STK32B: variants seen among roughly 807,000 people sequenced by gnomAD.
STK32B encodes the protein serine/threonine kinase 32B.
STK32B carries 43 observed loss-of-function variants against 52.6 expected under a neutral mutation model. The observed-to-expected ratio is 0.82, with a 90% confidence interval of 0.64 to 1.05. The LOEUF (loss-of-function observed/expected upper bound fraction) is 1.05, where lower values mean the gene tolerates loss of function less well. STK32B is among the 50% of genes least tolerant of loss of function. STK32B has a pLI of 0.00. For synonymous variants in STK32B, 238 were observed against 204.3 expected (o/e 1.17, Z -1.41); for missense variants, 621 against 534.6 (o/e 1.16, Z -1.59).
chr4:5,147,269 A>G (rs1033393574), intron 2 of STK32B, among the ~76,000 whole-genome samples: 4 of 152,088 alleles, frequency 2.6e-5, no homozygotes, highest in African/African-American at 9.7e-5. Flanking sequence ...ATACAATAAA[A>G]TTTTTGTATC....
intron 3 of STK32B, among the ~76,000 whole-genome samples, chr4:5,218,632 C>T (rs2108793855): frequency 1.3e-5 from 2 of 152,326 alleles, no homozygotes; most frequent in East Asian, 3.9e-4. Flanking sequence ...ATTCCTTTTA[C>T]AATTTCATAG....
intron 11 of STK32B, among the ~76,000 whole-genome samples, chr4:5,482,493 G>A (rs935108095): frequency 2.0e-5 from 3 of 151,992 alleles, no homozygotes; most frequent in Non-Finnish European, 2.9e-5. Context: ...GGGCTGAGAT[G>A]ATGAGGTTTT....
At chr4:5,189,176 A>G (rs1720987673) in intron 3 of STK32B, among the ~76,000 whole-genome samples, 1 of 152,158 alleles carries the variant, frequency 6.6e-6, no homozygotes, top group Non-Finnish European at 1.5e-5. Context: ...CCCAGGATCC[A>G]TGGTATACAT....
chr4:5,413,720 A>G (rs2109066732), intron 5 of STK32B, among the ~76,000 whole-genome samples: 1 of 152,366 alleles, frequency 6.6e-6, no homozygotes, highest in East Asian at 1.9e-4. Context: ...ATGTATCTTG[A>G]AGACAAGGAG....
chr4:5,124,417 C>T lies in STK32B; in HGVS notation c.53-15488C>T, dbSNP rs1298833361. ...CCAGCCCATTGCCTCCTGAGAGTCC[C>T]TCTCTTCTCCCACATCTCATGCAGT... is the stretch of plus-strand genomic sequence containing the variant. On this transcript the variant is annotated intron_variant, in intron 1 of 11. Transcript: ENST00000282908. Among the ~76,000 whole-genome samples, 3 of 152,294 alleles carry T rather than the reference C, an allele frequency of 2.0e-5. No homozygotes were observed. The South Asian group carries it at 6.2e-4, about 32-fold the overall frequency.
intron 1 of STK32B, among the ~76,000 whole-genome samples, chr4:5,094,034 C>T (rs1212248808): frequency 6.6e-6 from 1 of 152,158 alleles, no homozygotes; most frequent in Non-Finnish European, 1.5e-5. Flanking sequence ...AATGTGAAGC[C>T]ATTGCTATAG....
chr4:5,281,020 G>T (rs1016156701), intron 3 of STK32B, among the ~76,000 whole-genome samples: 2 of 152,128 alleles, frequency 1.3e-5, no homozygotes, highest in Non-Finnish European at 2.9e-5. Flanking sequence ...AGGCGTGGCT[G>T]GGGATGCCTC....
At chr4:5,244,860 GT>G (rs1352218331) in intron 3 of STK32B, among the ~76,000 whole-genome samples, 1 of 152,190 alleles carries the variant, frequency 6.6e-6, no homozygotes, top group African/African-American at 2.4e-5. Flanking sequence ...GGAGCAGGTT[GT>G]TAAGTTTCCA....
chr4:5,384,800 CAGAA>C (rs1178206157), intron 4 of STK32B, among the ~76,000 whole-genome samples: 8 of 152,028 alleles, frequency 5.3e-5, no homozygotes, highest in African/African-American at 7.2e-5. Flanking sequence ...TTGCAGGAAA[CAGAA>C]GGAAGGGGCT....
intron 1 of STK32B, among the ~76,000 whole-genome samples, chr4:5,060,909 T>C (rs1363412540): frequency 6.6e-6 from 1 of 152,226 alleles, no homozygotes; most frequent in Non-Finnish European, 1.5e-5. Context: ...TAAGCTTGTA[T>C]GTTTTTCTTG....
At chr4:5,036,433 G>A in the STK32B span, among the ~76,000 whole-genome samples, 12 of 152,118 alleles carry the variant, frequency 7.9e-5, no homozygotes, top group African/African-American at 2.7e-4. Context: ...TCTCTCTGAA[G>A]TCAGAAAATA....
At chr4:5,105,531 C>T (rs564049009) in intron 1 of STK32B, among the ~76,000 whole-genome samples, 3 of 151,324 alleles carry the variant, frequency 2.0e-5, no homozygotes, top group African/African-American at 4.9e-5. Flanking sequence ...AATATCTGCT[C>T]CTATTCTATA....
At chr4:5,406,768 C>T (rs1737710814) in intron 5 of STK32B, among the ~76,000 whole-genome samples, 1 of 152,128 alleles carries the variant, frequency 6.6e-6, no homozygotes, top group Admixed American at 6.5e-5. Context: ...GAGCCCTGGA[C>T]CTGGCAGCAG....
At chr4:5,491,934 G>C (rs563877503) in intron 11 of STK32B, among the ~76,000 whole-genome samples, 6 of 152,112 alleles carry the variant, frequency 3.9e-5, no homozygotes, top group Non-Finnish European at 7.3e-5. Flanking sequence ...TTCCATTGAT[G>C]TATATCTCTC....
chr4:5,040,983 G>A, the STK32B span, among the ~76,000 whole-genome samples: 1 of 152,222 alleles, frequency 6.6e-6, no homozygotes, highest in Non-Finnish European at 1.5e-5. Flanking sequence ...TGGGGCCACT[G>A]TTGGGTGTGC....
chr4:5,230,698 G>A (rs1724203895), intron 3 of STK32B, among the ~76,000 whole-genome samples: 1 of 152,212 alleles, frequency 6.6e-6, no homozygotes, highest in Non-Finnish European at 1.5e-5. Context: ...TGGAGATGTG[G>A]TGTTGAAGCA....
chr4:5,185,688 C>T (rs1282041447), intron 3 of STK32B, among the ~76,000 whole-genome samples: 1 of 152,186 alleles, frequency 6.6e-6, no homozygotes. Context: ...AGGCTCCTAA[C>T]TACTGTTTCA....
At chr4:5,247,871 C>T (rs1178610588) in intron 3 of STK32B, among the ~76,000 whole-genome samples, 2 of 152,112 alleles carry the variant, frequency 1.3e-5, no homozygotes, top group Non-Finnish European at 2.9e-5. Context: ...GAATGCCTGG[C>T]TTTACAGTCT....
chr4:5,255,609 A>T (rs143546519), intron 3 of STK32B, among the ~76,000 whole-genome samples: 1 of 152,264 alleles, frequency 6.6e-6, no homozygotes, highest in East Asian at 1.9e-4. Flanking sequence ...TACTACTGCT[A>T]TTCCAATCTC....
Sources: allele counts gnomAD v4.1 joint callset (sites outside exome capture counted in the v4.1 genomes callset), GRCh38; gene constraint gnomAD v4.1.1; transcripts MANE v1.5; gene names NCBI Gene and HGNC (gene_info 2026-07-23, HGNC 2026-07-21).